Variants in CEP104 observed in about 807,000 individuals in gnomAD.
CEP104 encodes centrosomal protein 104.
A neutral mutation model predicts 113.3 loss-of-function variants in CEP104; 84 were observed. The ratio of observed to expected loss-of-function variants is 0.74; its 90% CI spans 0.62 to 0.89. The LOEUF (loss-of-function observed/expected upper bound fraction) is 0.89. Ranked by LOEUF, CEP104 falls within the 40% of genes least tolerant of loss-of-function variation. The probability of loss-of-function intolerance (pLI) is 0.00; values close to 1 mark genes in which losing one functional copy is unlikely to be tolerated. For synonymous variants in CEP104, 378 were observed against 421.7 expected, an observed-to-expected ratio of 0.90 and a Z score of 1.27; for missense variants, 1,053 against 1,156.6, an observed-to-expected ratio of 0.91 and a Z score of 1.30.
At chr1:3,843,257 G>A (rs1644444674) in intron 6 of CEP104, 1 of 710,896 alleles carries the variant, frequency 1.4e-6, no homozygotes, top group African/African-American at 1.8e-5. Flanking sequence ...CAGAGAGGGT[G>A]ACCGAGGATG....
At chr1:3,849,265 AC>A (rs1284735781) in intron 2 of CEP104, among the ~76,000 whole-genome samples, 101 of 110,856 alleles carry the variant, frequency 9.1e-4, no homozygotes, top group Middle Eastern at 4.5e-3. Flanking sequence ...AAGTGACATA[AC>A]TTTTTTTTTT....
Position 3,831,693 on chromosome 1 carries a change from A to G in CEP104, c.1660-471T>C, listed in dbSNP as rs1644211483. On this transcript the variant is annotated intron_variant, in intron 12 of 21. Coordinates refer to ENST00000378230, the MANE Select transcript of CEP104 (RefSeq NM_014704.4). ...ATGGAAAAAATGTAAGTACCATTACATATTTGAATGTCTCTAAACAAACAA... is the reference window on the plus strand; with the variant it reads ...ATGGAAAAAATGTAAGTACCATTACGTATTTGAATGTCTCTAAACAAACAA... Among the ~76,000 whole-genome samples the G allele has an allele frequency of 2.0e-5, 3 of 152,384 alleles. No individual in the cohort carries two copies. In the South Asian group the frequency reaches 6.2e-4, roughly 32 times the overall value.
chr1:3,849,536 G>C (rs998708265), intron 2 of CEP104, among the ~76,000 whole-genome samples: 1 of 152,174 alleles, frequency 6.6e-6, no homozygotes, highest in African/African-American at 2.4e-5. Flanking sequence ...CAGCCCAAAA[G>C]TAACACAACG....
intron 20 of CEP104, among the ~76,000 whole-genome samples, chr1:3,821,263 C>T (rs550976650): frequency 1.4e-4 from 22 of 152,224 alleles, no homozygotes; most frequent in Non-Finnish European, 2.8e-4. Context: ...CTGCCATAGG[C>T]TAGAGCTGGG....
rs918007504 is a variant in CEP104 at position 3,836,575 on chromosome 1, T to C, written c.1237A>G (p.Met413Val). ...ADISDARRGG[M>V]LGEPEPLTEK... Reference sequence around the variant, plus strand: ...GTTAAGGGCTCTGGCTCCCCTAACATGCCTCCCCTCCGAGCATCGCTGATG... The same window carrying C: ...GTTAAGGGCTCTGGCTCCCCTAACACGCCTCCCCTCCGAGCATCGCTGATG... The change falls in exon 10 of 22, where the codon ATG becomes GTG. Residue 413 changes from methionine (M) to valine (V), a missense_variant. Physicochemically the swap from Met to Val is conservative, Grantham distance 21. Transcript: ENST00000378230. 4 of 1,551,936 alleles carry C rather than the reference T, an allele frequency of 2.6e-6. No individual in the cohort carries two copies. The South Asian group carries it at 3.3e-5, about 13-fold the overall frequency.
intron 4 of CEP104, among the ~76,000 whole-genome samples, chr1:3,845,813 C>T (rs1252220687): frequency 1.3e-5 from 2 of 152,056 alleles, no homozygotes; most frequent in African/African-American, 4.8e-5. Flanking sequence ...AAAGCCTGGG[C>T]GCGGTGCCTC....
In CEP104 at chr1:3,815,049, G is replaced by A; in HGVS notation, c.*353C>T. 4.3e-6 allele frequency: 1 copy of A among 230,800 alleles called. No individual in the cohort carries two copies. Among genetic ancestry groups the A allele is most frequent in the Non-Finnish European group, 8.6e-6 (1 of 116,026 alleles). 14.3% of individuals were successfully genotyped at this position (230,800 alleles called of 1,614,324 possible). ...TTGCTCCAAGCACTAAGGAAAGCGG[G>A]ACCGTGCCTGTGCTGACCGTGGCCT... On this transcript the variant is annotated 3_prime_UTR_variant, in exon 22 of 22. Transcript: ENST00000378230.
At chr1:3,820,414 C>G (rs1224107311) in intron 20 of CEP104, among the ~76,000 whole-genome samples, 2 of 116,124 alleles carry the variant, frequency 1.7e-5, no homozygotes, top group African/African-American at 3.7e-5. Context: ...AAAACTGCTT[C>G]TATTGGGTAG....
intron 20 of CEP104, among the ~76,000 whole-genome samples, chr1:3,820,022 C>T (rs560167517): frequency 6.6e-5 from 10 of 152,152 alleles, no homozygotes; most frequent in South Asian, 6.3e-4. Flanking sequence ...AGCCTGGCTC[C>T]GGACCCAGGG....
chr1:3,854,365 C>T (rs10909804), intron 1 of CEP104, among the ~76,000 whole-genome samples: 31,078 of 152,140 alleles, frequency 0.2, 3,532 homozygotes, highest in Non-Finnish European at 0.25. Context: ...TGCGCCAACT[C>T]TCCCCTGACC....
chr1:3,821,832 G>C (rs1643979773), intron 20 of CEP104, among the ~76,000 whole-genome samples: 1 of 152,248 alleles, frequency 6.6e-6, no homozygotes, highest in African/African-American at 2.4e-5. Context: ...CCTTCACCAA[G>C]TGAATCATAA....
At position 3,831,012 on chromosome 1, in the gene CEP104, G is replaced by C. The variant is rs542191269; in HGVS notation, c.1836+34C>G. 2.1e-5 allele frequency: 34 copies of C among 1,595,614 alleles called. No homozygotes were observed. In the South Asian group the frequency reaches 2.9e-4, roughly 14 times the overall value. ...CTCCAGGCACTGTGGTGAGTGCTGG[G>C]CCGCGTGGTGTGTCACACGCGAGGT... On this transcript the variant is annotated intron_variant, in intron 13 of 21. Coordinates refer to ENST00000378230, the MANE Select transcript of CEP104 (RefSeq NM_014704.4).
Position 3,815,333 on chromosome 1 carries a change from T to G in CEP104, c.*69A>C. 8.2e-7 allele frequency: 1 copy of G among 1,219,146 alleles called. No individual in the cohort carries two copies. Among genetic ancestry groups the G allele is most frequent in the Non-Finnish European group, 1.2e-6 (1 of 853,746 alleles). The allele number at this position is 1,219,146 out of a possible 1,614,324, so 75.5% of individuals were successfully genotyped here. A position where few individuals can be genotyped will look rare whatever the true frequency, so the allele number is the denominator to read the frequency against. On this transcript the variant is annotated 3_prime_UTR_variant, in exon 22 of 22. Transcript: ENST00000378230. Reference sequence around the variant, plus strand: ...TGGGGCCACCAAGGCCAGAGAGTTCTGGAGAGATGGTGTAGAATCAGGAGA... The same window carrying G: ...TGGGGCCACCAAGGCCAGAGAGTTCGGGAGAGATGGTGTAGAATCAGGAGA...
chr1:3,827,138 C>T (rs1297005710), intron 15 of CEP104, among the ~76,000 whole-genome samples: 1 of 152,230 alleles, frequency 6.6e-6, no homozygotes, highest in Non-Finnish European at 1.5e-5. Flanking sequence ...AACTCAACCA[C>T]TGACTGTGGA....
chr1:3,839,928 A>G, intron 6 of CEP104, 152 bp from the exon 7 acceptor site: 1 of 639,226 alleles, frequency 1.6e-6, no homozygotes, highest in Non-Finnish European at 2.7e-6. Flanking sequence ...CAGAGAAGTA[A>G]TGGGCCTCAG....
At chr1:3,854,317 C>T (rs1199832920) in intron 1 of CEP104, among the ~76,000 whole-genome samples, 1 of 152,136 alleles carries the variant, frequency 6.6e-6, no homozygotes, top group African/African-American at 2.4e-5. Flanking sequence ...CATGTCCTAA[C>T]TCCAGAGCTC....
chr1:3,841,038 C>T (rs1485911415), intron 6 of CEP104, among the ~76,000 whole-genome samples: 1 of 152,154 alleles, frequency 6.6e-6, no homozygotes, highest in African/African-American at 2.4e-5. Flanking sequence ...TCCTTTCCAG[C>T]TCTACAGTAG....
At chr1:3,837,588 T>C in intron 8 of CEP104, 69 bp from the exon 9 acceptor site, 3 of 1,318,664 alleles carry the variant, frequency 2.3e-6, no homozygotes, top group Non-Finnish European at 3.2e-6. Flanking sequence ...TCTCATTCCT[T>C]CAGATGAATA....
chr1:3,846,367 C>T (rs1644507977), intron 4 of CEP104, among the ~76,000 whole-genome samples: 1 of 152,108 alleles, frequency 6.6e-6, no homozygotes, highest in Non-Finnish European at 1.5e-5. Flanking sequence ...ACATTTGGGG[C>T]AGGAGGGCAG....
Sources: gnomAD v4.1 joint callset for allele counts (sites outside exome capture counted in the v4.1 genomes callset) on GRCh38, gnomAD v4.1.1 for gene constraint, MANE v1.5 for transcripts, NCBI Gene and HGNC (gene_info 2026-07-23, HGNC 2026-07-21) for gene names.